GSN: variants seen among roughly 807,000 people sequenced by gnomAD.
The protein encoded by GSN is gelsolin.
A neutral mutation model predicts 85.7 loss-of-function variants in GSN; 56 were observed. The observed-to-expected ratio is 0.65, with a 90% CI of 0.53 to 0.82. The LOEUF (loss-of-function observed/expected upper bound fraction) is 0.82. Ranked by LOEUF, GSN falls within the 40% of genes least tolerant of loss-of-function variation. The pLI, the probability that GSN is intolerant of heterozygous loss-of-function variation, is 0.00. For synonymous variants in GSN, 373 were observed against 399.1 expected (o/e 0.93, Z 0.78); for missense variants, 857 against 979.8 (o/e 0.87, Z 1.67).
rs12339043 is a variant in GSN at position 121,221,667 on chromosome 9, C to T, written c.-527-9498C>T. Among the ~76,000 whole-genome samples, 1,440 of 152,280 alleles carry T rather than the reference C, an allele frequency of 9.5e-3. 48 individuals carry two copies. The highest frequency in any genetic ancestry group is 0.063 in the East Asian group (328 of 5,178). On this transcript the variant is annotated intron_variant, in intron 4 of 24. Coordinates refer to the GSN transcript ENST00000373823. ...CTGCCGGTTCCCTCCCCTCTTCAGG[C>T]CTGTTTTCCCATTCATAGAAAGAAG...
intron 6 of GSN, among the ~76,000 whole-genome samples, chr9:121,255,041 T>C (rs1431477493): frequency 2.0e-5 from 3 of 152,092 alleles, no homozygotes; most frequent in Middle Eastern, 3.2e-3. Flanking sequence ...CTCTGCCCCC[T>C]GGGTTCACAC....
Position 121,318,827 on chromosome 9 carries a change from A to T in GSN, c.1138A>T (p.Thr380Ser). 6.2e-7 allele frequency: 1 copy of T among 1,614,068 alleles called. No homozygotes were observed. The highest frequency in any genetic ancestry group is 8.5e-7 in the Non-Finnish European group (1 of 1,180,016). Residue 380 changes from threonine to serine, a missense_variant, in exon 10 of 18, where the codon ACT (threonine) becomes TCT (serine). Coordinates refer to ENST00000432226, the MANE Select transcript of GSN (RefSeq NM_198252.3). This position sits in a 1 kb window ranked among gnomAD's most constrained non-coding sequence, Gnocchi z 4.3. ...CGACGCCGCCACCCTGCACACCTCC[A>T]CTGCCATGGCCGCCCAGCACGGCAT... ...PFDAATLHTS[T>S]AMAAQHGMDD... is the part of the protein sequence containing the mutation.
At chr9:121,276,985 A>G (rs888695778) in intron 1 of GSN, among the ~76,000 whole-genome samples, 1 of 152,102 alleles carries the variant, frequency 6.6e-6, no homozygotes, top group Non-Finnish European at 1.5e-5. Flanking sequence ...TCATACGCCT[A>G]GTTTGTCTTG....
intron 4 of GSN, among the ~76,000 whole-genome samples, chr9:121,229,422 G>A (rs544266651): frequency 2.6e-5 from 4 of 152,188 alleles, no homozygotes; most frequent in South Asian, 4.1e-4. Context: ...GTTTCGCCAT[G>A]TTGGCCAGGC....
intron 4 of GSN, among the ~76,000 whole-genome samples, chr9:121,218,043 G>A (rs1255124110): frequency 2.0e-5 from 3 of 152,060 alleles, no homozygotes; most frequent in African/African-American, 7.2e-5. Context: ...TTTTATGTAT[G>A]TGTCCAGTCT....
intron 2 of GSN, among the ~76,000 whole-genome samples, chr9:121,293,219 G>A (rs983536483): frequency 6.6e-6 from 1 of 152,178 alleles, no homozygotes; most frequent in African/African-American, 2.4e-5. Flanking sequence ...AGGCAGGAGG[G>A]GACCCTGGCC....
chr9:121,330,246 G>A (rs2063739637), intron 16 of GSN, among the ~76,000 whole-genome samples: 2 of 152,260 alleles, frequency 1.3e-5, no homozygotes, highest in South Asian at 2.1e-4. Flanking sequence ...GCCTTCGAGG[G>A]GCTTCCACTT....
rs1218709506 is a variant in GSN at position 121,332,672 on chromosome 9, T to G, written c.*69T>G. 1 of 1,252,234 alleles carries G rather than the reference T, an allele frequency of 8.0e-7. No individual in the cohort carries two copies. The highest frequency in any genetic ancestry group is 1.5e-5 in the African/African-American group (1 of 67,672). 77.6% of individuals were successfully genotyped at this position (1,252,234 alleles called of 1,614,324 possible). ...AACTGTCCTTCCCTCAAAGAGGCCT[T>G]AGAGCGAGCAGAGCAGCTCTGCTAT... On this transcript the variant is annotated 3_prime_UTR_variant, in exon 18 of 18. Coordinates refer to ENST00000432226, the MANE Select transcript of GSN (RefSeq NM_198252.3). The surrounding 1 kb of genome is among the most constrained non-coding windows in gnomAD (Gnocchi z 4.8).
chr9:121,319,449 T>G (rs1431260532), intron 10 of GSN, among the ~76,000 whole-genome samples: 1 of 152,022 alleles, frequency 6.6e-6, no homozygotes, highest in African/African-American at 2.4e-5. Flanking sequence ...TTCTTTTTAT[T>G]AAATCAGACA....
intron 1 of GSN, among the ~76,000 whole-genome samples, chr9:121,274,631 A>G (rs1441536514): frequency 3.9e-5 from 6 of 152,176 alleles, no homozygotes; most frequent in African/African-American, 1.4e-4. Context: ...TTTGGGCTCA[A>G]CTCCTAATAC....
chr9:121,276,619 C>T (rs752291468), intron 1 of GSN, among the ~76,000 whole-genome samples: 1 of 152,238 alleles, frequency 6.6e-6, no homozygotes. Context: ...TGGCTCTACC[C>T]TCTCACTTCA....
chr9:121,327,199 TC>T, intron 13 of GSN, 108 bp from the exon 14 acceptor site: 1 of 933,972 alleles, frequency 1.1e-6, no homozygotes, highest in Non-Finnish European at 1.8e-6. Context: ...GCTGTGTTCC[TC>T]CAAGTCCCCA....
intron 6 of GSN, among the ~76,000 whole-genome samples, chr9:121,255,466 C>T (rs143138193): frequency 0.012 from 1,829 of 152,250 alleles, 13 homozygotes; most frequent in South Asian, 0.034. Flanking sequence ...AAATTCCTGG[C>T]CTCAAGTGGT....
upstream of GSN, among the ~76,000 whole-genome samples, chr9:121,206,724 A>T (rs2053886798): frequency 2.0e-5 from 3 of 152,152 alleles, no homozygotes; most frequent in South Asian, 6.2e-4. Flanking sequence ...TTACATGAAA[A>T]AAAAAAAAGA....
rs2059515613 is a variant in GSN, at chr9:121,299,240, CCT to C, written c.-9-2720_-9-2719del. 37 of 943,462 alleles carry C rather than the reference CCT, an allele frequency of 3.9e-5. No individual in the cohort carries two copies. Among genetic ancestry groups the C allele is most frequent in the Non-Finnish European group, 4.5e-5 (36 of 791,536 alleles). The allele number at this position is 943,462 out of a possible 1,614,324, so 58.4% of individuals were successfully genotyped here. ...CAGGAGCTGAGCGTTCTGCCCCGCC[CCT>C]CTGAGTCCTGCCGGCTTCACCTGCC... On this transcript the variant is annotated intron_variant, in intron 2 of 17. Transcript: ENST00000432226. This position sits in a 1 kb window ranked among gnomAD's most constrained non-coding sequence, Gnocchi z 4.2.
chr9:121,321,206 G>A, intron 10 of GSN, 62 bp from the exon 11 acceptor site: 1 of 1,595,642 alleles, frequency 6.3e-7, no homozygotes. Context: ...CGGTTTCCTG[G>A]CTTGCCTGAG....
chr9:121,312,348 C>G lies in GSN; in HGVS notation c.523C>G (p.Gln175Glu). The stretch of plus-strand genomic sequence containing the variant: ...GGTCTCTGTCTTCCAGAACATCCAC[C>G]AGTGGTGTGGTTCCAACAGCAATCG... ...FILDLGNNIH[Q>E]WCGSNSNRYE... The change falls in exon 6 of 18, where the codon CAG becomes GAG. Residue 175 changes from glutamine to glutamate, a missense_variant. Transcript: ENST00000432226. The G allele has an allele frequency of 6.2e-7, 1 of 1,614,126 alleles. No individual in the cohort carries two copies. The highest frequency in any genetic ancestry group is 8.5e-7 in the Non-Finnish European group (1 of 1,179,990).
intron 4 of GSN, among the ~76,000 whole-genome samples, chr9:121,306,816 T>A (rs902527491): frequency 1.4e-4 from 21 of 152,198 alleles, no homozygotes; most frequent in African/African-American, 5.1e-4. Context: ...CAATTCTAAT[T>A]CCCTAGACCA....
In GSN at chr9:121,299,825, G is replaced by A. The variant is rs1447440466; in HGVS notation, c.-9-2138G>A. The A allele has an allele frequency of 7.6e-7, 1 of 1,321,486 alleles. No homozygotes were observed. The highest frequency in any genetic ancestry group is 9.7e-7 in the Non-Finnish European group (1 of 1,028,908). The allele number at this position is 1,321,486 out of a possible 1,614,324, so 81.9% of individuals were successfully genotyped here. A position where few individuals can be genotyped will look rare whatever the true frequency, so the allele number is the denominator to read the frequency against. Reference sequence around the variant, plus strand: ...TACTTAAGGTCGGCGACCCGAGGCCGCGGCTGCCGACTGGGTCCCCTGCCG... The same window carrying A: ...TACTTAAGGTCGGCGACCCGAGGCCACGGCTGCCGACTGGGTCCCCTGCCG... On this transcript the variant is annotated intron_variant, in intron 2 of 17. Transcript: ENST00000432226. This position sits in a 1 kb window ranked among gnomAD's most constrained non-coding sequence, Gnocchi z 4.2.
Sources: gnomAD v4.1 joint callset for allele counts (sites outside exome capture counted in the v4.1 genomes callset) on GRCh38, gnomAD v4.1.1 for gene constraint, Gnocchi (gnomAD v3.1) non-coding constraint, MANE v1.5 for transcripts, NCBI Gene and HGNC (gene_info 2026-07-23, HGNC 2026-07-21) for gene names.